The following KALRN variants were observed in gnomAD, a reference collection of about 807,000 sequenced individuals.
The protein encoded by KALRN is kalirin RhoGEF kinase.
KALRN carries 70 observed loss-of-function variants against 353.7 expected under a neutral mutation model. The ratio of observed to expected loss-of-function variants is 0.20; its 90% CI spans 0.16 to 0.24. The LOEUF is 0.24. KALRN is among the 10% of genes least tolerant of loss of function. The probability of loss-of-function intolerance (pLI) is 1.00; values close to 1 mark genes in which losing one functional copy is unlikely to be tolerated. For synonymous variants in KALRN, 1,391 were observed against 1,434.8 expected, an observed-to-expected ratio of 0.97 and a Z score of 0.69; for missense variants, 2,791 against 3,756.7, an observed-to-expected ratio of 0.74 and a Z score of 6.72.
chr3:124,366,681 G>T (rs1023103367), intron 10 of KALRN, among the ~76,000 whole-genome samples: 28 of 151,784 alleles, frequency 1.8e-4, no homozygotes, highest in Non-Finnish European at 5.9e-5. Context: ...CCACAAAACC[G>T]CCATTGTCAT....
At chr3:124,496,579 C>T (rs1394409145) in intron 33 of KALRN, among the ~76,000 whole-genome samples, 166 bp downstream of exon 33, 2 of 152,124 alleles carry the variant, frequency 1.3e-5, no homozygotes, top group Non-Finnish European at 2.9e-5. Flanking sequence ...GGAGGCATGT[C>T]CCAGCACGAG....
Position 124,416,720 on chromosome 3 carries a change from A to T in KALRN, c.2542+3055A>T, listed in dbSNP as rs2092521598. 3.3e-5 allele frequency among the ~76,000 whole-genome samples: 5 copies of T among 152,364 alleles called. No individual in the cohort carries two copies. The South Asian group carries it at 1.0e-3, about 32-fold the overall frequency. On this transcript the variant is annotated intron_variant, in intron 14 of 59. Transcript: ENST00000682506. Reference sequence around the variant, plus strand: ...TAAGGGGTGAGCCCAGGTGGGCCTTATCCCCCAATGGCTGAGGAATGTAAG... The same window carrying T: ...TAAGGGGTGAGCCCAGGTGGGCCTTTTCCCCCAATGGCTGAGGAATGTAAG...
At chr3:124,625,944 G>T (rs2079898514) in intron 34 of KALRN, among the ~76,000 whole-genome samples, 1 of 152,098 alleles carries the variant, frequency 6.6e-6, no homozygotes, top group Non-Finnish European at 1.5e-5. Flanking sequence ...AGCAGGGTGT[G>T]GTGGTGCATG....
At position 124,671,675 on chromosome 3, in the gene KALRN, T is replaced by C. The variant is rs757831396; in HGVS notation, c.6719T>C (p.Ile2240Thr). Residue 2240 changes from isoleucine to threonine, a missense_variant, in exon 48 of 60, where the codon ATT becomes ACT. Coordinates refer to ENST00000682506, the MANE Select transcript of KALRN (RefSeq NM_001388419.1). ...TATCCCACAGCACTGCAATCGCCCATTGAGTATCAACGGAAAGAAAGGAGC... is the reference window on the plus strand; with the variant it reads ...TATCCCACAGCACTGCAATCGCCCACTGAGTATCAACGGAAAGAAAGGAGC... ...RDFLNALQSP[I>T]EYQRKERSTA... 2 of 1,613,734 alleles carry C rather than the reference T, an allele frequency of 1.2e-6. No homozygotes were observed. The highest frequency in any genetic ancestry group is 1.7e-6 in the Non-Finnish European group (2 of 1,179,642).
At chr3:124,557,921 A>T (rs1219466240) in intron 33 of KALRN, among the ~76,000 whole-genome samples, 1 of 152,170 alleles carries the variant, frequency 6.6e-6, no homozygotes, top group Non-Finnish European at 1.5e-5. Context: ...GCTTCTTCAC[A>T]TGGAAGCTTC....
At chr3:124,388,982 T>C (rs2088898196) in intron 11 of KALRN, among the ~76,000 whole-genome samples, 1 of 152,206 alleles carries the variant, frequency 6.6e-6, no homozygotes, top group Admixed American at 6.5e-5. Flanking sequence ...AGTAGTCTGT[T>C]AGGGAATTTT....
chr3:124,650,853 G>A lies in KALRN; in HGVS notation c.5710G>A (p.Gly1904Ser), dbSNP rs376489541. The change falls in exon 38 of 60, where the codon GGC (glycine) becomes AGC (serine). Residue 1904 changes from glycine (G) to serine (S), a missense_variant. Physicochemically the swap from Gly to Ser is moderately conservative, Grantham distance 56. Around this residue, in one of 11 missense-constraint regions of KALRN, gnomAD observed 1,065 missense variants for 1,156.4 expected, o/e 0.92. Transcript: ENST00000682506. The part of the protein sequence containing the change: ...SYRGSLKDPA[G>S]CLNEGMAPPT... ...CCGGGGGAGCTTGAAAGACCCTGCA[G>A]GCTGCCTGAATGAGGGGATGGCCCC... The A allele has an allele frequency of 3.5e-5, 57 of 1,613,964 alleles. No homozygotes were observed. The highest frequency in any genetic ancestry group is 4.7e-5 in the Non-Finnish European group (55 of 1,179,932).
chr3:124,517,473 G>A (rs1411693445), intron 33 of KALRN, among the ~76,000 whole-genome samples: 1 of 152,158 alleles, frequency 6.6e-6, no homozygotes, highest in African/African-American at 2.4e-5. Context: ...TTATACTCTG[G>A]AATTGATCCT....
chr3:124,634,354 T>C (rs1398450652), intron 36 of KALRN, among the ~76,000 whole-genome samples: 1 of 152,212 alleles, frequency 6.6e-6, no homozygotes, highest in African/African-American at 2.4e-5. Flanking sequence ...AAACTCTAAC[T>C]AATGGTAGCT....
intron 1 of KALRN, among the ~76,000 whole-genome samples, chr3:124,188,936 A>T (rs1209978283): frequency 6.6e-6 from 1 of 152,174 alleles, no homozygotes; most frequent in South Asian, 2.1e-4. Context: ...TAGTTGAGGA[A>T]CTTTGAGCTT....
rs191867459 is a variant in KALRN at position 124,717,453 on chromosome 3, A to G, written c.8415+68A>G. On this transcript the variant is annotated intron_variant, in intron 59 of 59. Coordinates refer to ENST00000682506, the MANE Select transcript of KALRN (RefSeq NM_001388419.1). ...TGAAATCCCAGCACTTTGGGAGGCC[A>G]AGGTGGGCGGATCACAAGGTCAGGA... 2.2e-4 allele frequency: 252 copies of G among 1,157,520 alleles called. No homozygotes were observed. The East Asian group carries it at 3.6e-3, about 16-fold the overall frequency. 71.7% of individuals were successfully genotyped at this position (1,157,520 alleles called of 1,614,324 possible).
chr3:124,496,375 G>T lies in KALRN; in HGVS notation c.4897G>T (p.Ala1633Ser), dbSNP rs369574031. ...CAGCCAACCAGACACCATCTCCATT[G>T]CTTCTAGGACCTCTCAGAACACAGT... The part of the protein sequence containing the change: ...GSSQPDTISI[A>S]SRTSQNTVDS... Residue 1633 changes from alanine to serine, a missense_variant, in exon 33 of 60, where the codon GCT becomes TCT. Transcript: ENST00000682506. 1 of 1,612,994 alleles carries T rather than the reference G, an allele frequency of 6.2e-7. No homozygotes were observed. Among genetic ancestry groups the T allele is most frequent in the South Asian group, 1.1e-5 (1 of 91,008 alleles).
intron 34 of KALRN, among the ~76,000 whole-genome samples, chr3:124,577,898 C>CTG (rs2074279354): frequency 1.3e-5 from 2 of 151,762 alleles, no homozygotes; most frequent in East Asian, 1.9e-4. Flanking sequence ...AACAAAACCC[C>CTG]CCACCATATT....
At chr3:124,607,668 G>A (rs749093324) in intron 34 of KALRN, among the ~76,000 whole-genome samples, 56 of 152,134 alleles carry the variant, frequency 3.7e-4, no homozygotes, top group Non-Finnish European at 6.0e-4. Flanking sequence ...CCAGGCTGGA[G>A]TGCAGTGGCA....
intron 34 of KALRN, among the ~76,000 whole-genome samples, chr3:124,571,076 G>T (rs75637890): frequency 1.3e-5 from 2 of 151,932 alleles, no homozygotes; most frequent in African/African-American, 4.8e-5. Context: ...ATTCTCCCCC[G>T]TCCGAGCCCC....
intron 1 of KALRN, among the ~76,000 whole-genome samples, chr3:124,056,728 C>T (rs1184216821): frequency 6.6e-6 from 1 of 152,194 alleles, no homozygotes; most frequent in Non-Finnish European, 1.5e-5. Context: ...AGAAATCCAG[C>T]CGCAACAAAC....
intron 5 of KALRN, among the ~76,000 whole-genome samples, chr3:124,282,642 G>T (rs531832187): frequency 6.6e-6 from 1 of 152,124 alleles, no homozygotes; most frequent in East Asian, 1.9e-4. Flanking sequence ...CTCCCAAAGT[G>T]CTGGGATTAC....
At chr3:124,562,593 A>T (rs1433358304) in intron 33 of KALRN, 1 of 315,370 alleles carries the variant, frequency 3.2e-6, no homozygotes, top group Non-Finnish European at 6.2e-6. Context: ...TACAGCTAGA[A>T]AGCCTGAGTG....
In KALRN at chr3:124,664,371, G is replaced by GCGCGCA. The variant is rs1553719843; in HGVS notation, c.6346-2073_6346-2072insACGCGC. 1.4e-4 allele frequency among the ~76,000 whole-genome samples: 11 copies of GCGCGCA among 77,078 alleles called. No homozygotes were observed. The East Asian group carries it at 3.6e-3, about 25-fold the overall frequency. 50.6% of individuals were successfully genotyped at this position (77,078 alleles called of 152,430 possible). On this transcript the variant is annotated intron_variant, in intron 45 of 59. Coordinates refer to ENST00000682506, the MANE Select transcript of KALRN (RefSeq NM_001388419.1). ...TGTGTGTGTGTGTGTGTGTGTGTGT[G>GCGCGCA]CGCGCGCGCGCATATAAGGGCACCC...
Sources: gnomAD v4.1 joint callset for allele counts (sites outside exome capture counted in the v4.1 genomes callset) on GRCh38, gnomAD v4.1.1 for gene constraint, gnomAD v4.1.1 regional missense constraint, MANE v1.5 for transcripts, NCBI Gene and HGNC (gene_info 2026-07-23, HGNC 2026-07-21) for gene names.